ITGA9: variants seen among roughly 807,000 people sequenced by gnomAD.
ITGA9 encodes the protein integrin alpha-9.
Under a neutral mutation model 127.8 loss-of-function variants are expected in ITGA9, and 56 were observed. That is an observed-to-expected ratio of 0.44 (90% confidence interval 0.35 to 0.55). The LOEUF (loss-of-function observed/expected upper bound fraction) is 0.55, where lower values mean the gene tolerates loss of function less well. ITGA9 is among the 20% of genes least tolerant of loss of function. ITGA9 has a pLI of 0.00. For synonymous variants in ITGA9, 508 were observed against 514.5 expected (o/e 0.99, Z 0.17); for missense variants, 1,196 against 1,347.1 (o/e 0.89, Z 1.76).
intron 6 of ITGA9, among the ~76,000 whole-genome samples, chr3:37,503,733 G>C (rs989218245): frequency 1.3e-5 from 2 of 152,216 alleles, no homozygotes; most frequent in African/African-American, 4.8e-5. Flanking sequence ...TATCATGACA[G>C]ATGGCAACCT....
At chr3:37,517,838 A>C (rs1699002569) in intron 10 of ITGA9, among the ~76,000 whole-genome samples, 1 of 152,262 alleles carries the variant, frequency 6.6e-6, no homozygotes, top group South Asian at 2.1e-4. Flanking sequence ...TTGCCTCTGC[A>C]TAATCCCTTC....
At chr3:37,740,719 C>T (rs754445857) in intron 20 of ITGA9, among the ~76,000 whole-genome samples, 7 of 152,170 alleles carry the variant, frequency 4.6e-5, no homozygotes, top group Non-Finnish European at 1.0e-4. Context: ...GAGAAATGCC[C>T]GGCATAGTGC....
At chr3:37,514,598 A>T (rs532074477) in intron 9 of ITGA9, among the ~76,000 whole-genome samples, 27 of 152,266 alleles carry the variant, frequency 1.8e-4, no homozygotes, top group African/African-American at 5.5e-4. Context: ...GAGGCAAAGT[A>T]TCACTCCATC....
At chr3:37,474,809 A>G (rs549015567) in intron 3 of ITGA9, among the ~76,000 whole-genome samples, 2 of 152,200 alleles carry the variant, frequency 1.3e-5, no homozygotes, top group African/African-American at 2.4e-5. Context: ...TGTGTATTTT[A>G]TCCCAGGGAA....
At chr3:37,469,818 CAG>C (rs1698409179) in intron 1 of ITGA9, among the ~76,000 whole-genome samples, 1 of 152,078 alleles carries the variant, frequency 6.6e-6, no homozygotes, top group African/African-American at 2.4e-5. Context: ...GTTTTTGAGA[CAG>C]AGTCTCACTC....
chr3:37,769,925 T>C lies in ITGA9; in HGVS notation c.2542-7467T>C, dbSNP rs193016398. Reference sequence around the variant, plus strand: ...GGGCTTCAGTATGTGGAATAGCTACTATGCAGCCTGGTGCAAGGAAGATGG... The same window carrying C: ...GGGCTTCAGTATGTGGAATAGCTACCATGCAGCCTGGTGCAAGGAAGATGG... On this transcript the variant is annotated intron_variant, in intron 23 of 27. Transcript: ENST00000264741. 6.6e-5 allele frequency among the ~76,000 whole-genome samples: 10 copies of C among 152,292 alleles called. No homozygotes were observed. The East Asian group carries it at 1.2e-3, about 18-fold the overall frequency.
chr3:37,675,743 CTTTTT>C (rs5848124), intron 17 of ITGA9, among the ~76,000 whole-genome samples: 3 of 124,548 alleles, frequency 2.4e-5, no homozygotes, highest in Admixed American at 8.3e-5. Context: ...TTAAAAACTA[CTTTTT>C]TTTTTTTTTT....
intron 1 of ITGA9, among the ~76,000 whole-genome samples, chr3:37,467,094 A>G (rs956979826): frequency 1.3e-5 from 2 of 152,274 alleles, no homozygotes; most frequent in Admixed American, 6.5e-5. Flanking sequence ...GTCTTGCTGG[A>G]TGGTGGCCTA....
chr3:37,812,959 C>G (rs1697386192), intron 27 of ITGA9, among the ~76,000 whole-genome samples: 1 of 152,244 alleles, frequency 6.6e-6, no homozygotes, highest in African/African-American at 2.4e-5. Flanking sequence ...AGAGATTTGC[C>G]CAGTGTTTCT....
chr3:37,704,328 G>A (rs1321713548), intron 18 of ITGA9, among the ~76,000 whole-genome samples: 1 of 152,120 alleles, frequency 6.6e-6, no homozygotes, highest in South Asian at 2.1e-4. Flanking sequence ...TGAGGTGCCC[G>A]CGTGTCTCCA....
chr3:37,681,571 A>C (rs1700735249), intron 17 of ITGA9, among the ~76,000 whole-genome samples: 2 of 152,154 alleles, frequency 1.3e-5, no homozygotes, highest in African/African-American at 2.4e-5. Context: ...AAACACGAGG[A>C]TGTCAGGATG....
chr3:37,644,427 G>T (rs1700358942), intron 16 of ITGA9, among the ~76,000 whole-genome samples: 2 of 152,194 alleles, frequency 1.3e-5, no homozygotes, highest in South Asian at 4.1e-4. Context: ...ATGGACAATG[G>T]AGGGGTGGGG....
intron 16 of ITGA9, among the ~76,000 whole-genome samples, chr3:37,639,926 CCCT>C (rs1700316132): frequency 6.6e-6 from 1 of 152,256 alleles, no homozygotes; most frequent in South Asian, 2.1e-4. Flanking sequence ...GGTCCTTTAT[CCCT>C]CCTCCTCAGC....
intron 16 of ITGA9, among the ~76,000 whole-genome samples, chr3:37,642,483 T>A (rs1301396954): frequency 6.6e-6 from 1 of 152,152 alleles, no homozygotes; most frequent in Non-Finnish European, 1.5e-5. Flanking sequence ...TTGGCAAAAA[T>A]TGGGCATCAT....
chr3:37,684,745 A>G (rs1700766070), intron 18 of ITGA9, among the ~76,000 whole-genome samples: 1 of 152,240 alleles, frequency 6.6e-6, no homozygotes. Context: ...CTGGGATTAC[A>G]GGTGTGACCC....
At chr3:37,796,467 TTGGATGGATGGA>T (rs201148519) in intron 26 of ITGA9, among the ~76,000 whole-genome samples, 1,576 of 151,082 alleles carry the variant, frequency 0.01, 18 homozygotes, top group Non-Finnish European at 0.017. Context: ...TGTTGGTTGG[TTGGATGGATGGA>T]TGGATGGATG....
At chr3:37,805,408 G>A (rs1032569352) in intron 27 of ITGA9, among the ~76,000 whole-genome samples, 1 of 152,038 alleles carries the variant, frequency 6.6e-6, no homozygotes, top group African/African-American at 2.4e-5. Flanking sequence ...AGACAGTACT[G>A]TGAACATCTT....
chr3:37,499,091 G>A (rs1249384882), intron 5 of ITGA9, among the ~76,000 whole-genome samples: 1 of 152,238 alleles, frequency 6.6e-6, no homozygotes, highest in Non-Finnish European at 1.5e-5. Context: ...AAAGCCTTCG[G>A]AGCTATGGAT....
intron 18 of ITGA9, among the ~76,000 whole-genome samples, chr3:37,710,444 C>G (rs1040552479): frequency 4.6e-5 from 7 of 152,082 alleles, no homozygotes; most frequent in Middle Eastern, 3.4e-3. Context: ...AAGATAACGT[C>G]GGAGGATGAA....
Sources: allele counts gnomAD v4.1 joint callset (sites outside exome capture counted in the v4.1 genomes callset), GRCh38; gene constraint gnomAD v4.1.1; transcripts MANE v1.5; gene names NCBI Gene and HGNC (gene_info 2026-07-23, HGNC 2026-07-21).